The following P2RY6 variants were observed in gnomAD, a reference collection of about 807,000 sequenced individuals.
P2RY6 encodes P2Y purinoceptor 6.
In P2RY6, 19 loss-of-function variants were observed where a neutral mutation model predicts 16.3. That is an observed-to-expected ratio of 1.16 (90% CI 0.81 to 1.71). The LOEUF is 1.71. Ranked by LOEUF, P2RY6 falls within the 40% of genes most tolerant of loss-of-function variation. The probability of loss-of-function intolerance (pLI) is 0.00; values close to 1 mark genes in which losing one functional copy is unlikely to be tolerated. For missense variants in P2RY6, 389 were observed against 455.5 expected (o/e 0.85, Z 1.33); for synonymous variants, 184 against 201.5 (o/e 0.91, Z 0.74).
chr11:73,282,559 A>G (rs1863806300), intron 1 of P2RY6, among the ~76,000 whole-genome samples: 1 of 151,476 alleles, frequency 6.6e-6, no homozygotes, highest in Non-Finnish European at 1.5e-5. Flanking sequence ...TTCTTTCCAC[A>G]CTCCACCAAA....
upstream of P2RY6, among the ~76,000 whole-genome samples, chr11:73,271,071 C>T (rs1353314455): frequency 6.6e-6 from 1 of 152,208 alleles, no homozygotes; most frequent in Non-Finnish European, 1.5e-5. Context: ...GTGCGTTGAA[C>T]ATTACCCGAA....
intron 1 of P2RY6, among the ~76,000 whole-genome samples, chr11:73,277,241 G>T (rs948117061): frequency 6.6e-6 from 1 of 151,868 alleles, no homozygotes; most frequent in Non-Finnish European, 1.5e-5. Context: ...AGCCTCCCAA[G>T]TAGCTGGGAT....
chr11:73,276,325 A>C (rs1863534970), intron 1 of P2RY6, among the ~76,000 whole-genome samples: 1 of 152,248 alleles, frequency 6.6e-6, no homozygotes, highest in Admixed American at 6.5e-5. Flanking sequence ...AGCACCTCAA[A>C]AGTTTAAACA....
At chr11:73,286,305 C>T (rs1185746524) in intron 1 of P2RY6, among the ~76,000 whole-genome samples, 2 of 152,150 alleles carry the variant, frequency 1.3e-5, no homozygotes, top group Non-Finnish European at 2.9e-5. Flanking sequence ...CTGCCTTTCA[C>T]GGGAGGGGAG....
chr11:73,295,872 A>G, intron 2 of P2RY6, 57 bp downstream of exon 2: 2 of 700,670 alleles, frequency 2.9e-6, no homozygotes, highest in Non-Finnish European at 1.8e-6. Flanking sequence ...TTTCCGCCCC[A>G]GACCCTGGGC....
chr11:73,297,392 G>A lies in P2RY6; in HGVS notation c.874G>A (p.Ala292Thr). Reference protein sequence around the residue: ...AYKGTRPFASANSVLDPILFY... With the variant: ...AYKGTRPFASTNSVLDPILFY... ...CAAAGGCACGCGGCCGTTTGCCAGT[G>A]CCAACAGCGTGCTGGACCCCATCCT... The change falls in exon 3 of 3, where the codon GCC becomes ACC. Residue 292 changes from alanine to threonine, a missense_variant. Coordinates refer to ENST00000540124, the MANE Select transcript of P2RY6 (RefSeq NM_001277204.2). 1 of 1,612,292 alleles carries A rather than the reference G, an allele frequency of 6.2e-7. No homozygotes were observed. The highest frequency in any genetic ancestry group is 8.5e-7 in the Non-Finnish European group (1 of 1,180,028).
intron 1 of P2RY6, among the ~76,000 whole-genome samples, chr11:73,286,087 T>G (rs1404985901): frequency 6.6e-6 from 1 of 152,086 alleles, no homozygotes; most frequent in African/African-American, 2.4e-5. Context: ...ACAAGCCCAG[T>G]CAGGGAGGCT....
At chr11:73,288,505 T>C (rs1176554731) in intron 1 of P2RY6, among the ~76,000 whole-genome samples, 1 of 152,254 alleles carries the variant, frequency 6.6e-6, no homozygotes, top group Non-Finnish European at 1.5e-5. Flanking sequence ...TTTGTCCTTC[T>C]GTAGCCAGCC....
At chr11:73,273,466 ATG>A (rs144585529) in intron 1 of P2RY6, among the ~76,000 whole-genome samples, 1 of 150,920 alleles carries the variant, frequency 6.6e-6, no homozygotes, top group Admixed American at 6.6e-5. Context: ...CTTCCAGTGT[ATG>A]TGTGTGTGTG....
At chr11:73,277,245 CTGGGATTACAGA>C (rs1227373513) in intron 1 of P2RY6, among the ~76,000 whole-genome samples, 1 of 152,022 alleles carries the variant, frequency 6.6e-6, no homozygotes, top group Non-Finnish European at 1.5e-5. Flanking sequence ...TCCCAAGTAG[CTGGGATTACAGA>C]CATGCGCCAC....
intron 1 of P2RY6, among the ~76,000 whole-genome samples, chr11:73,291,600 AGT>A (rs968258548): frequency 3.2e-4 from 48 of 152,230 alleles, no homozygotes; most frequent in African/African-American, 8.9e-4. Context: ...GATTTTTCTC[AGT>A]GTGATCCAAA....
At chr11:73,283,663 C>T (rs1458552710) in intron 1 of P2RY6, among the ~76,000 whole-genome samples, 1 of 152,196 alleles carries the variant, frequency 6.6e-6, no homozygotes, top group East Asian at 1.9e-4. Context: ...AGACAGAGTG[C>T]CCACTGCTCT....
Position 73,297,304 on chromosome 11 carries a change from C to G in P2RY6, c.786C>G (p.Tyr262Ter). The G allele has an allele frequency of 1.2e-6, 2 of 1,609,668 alleles. No homozygotes were observed. The highest frequency in any genetic ancestry group is 2.2e-5 in the South Asian group (2 of 91,054). ...FLPFHITKTA[Y>*]LAVRSTPGVP... ...CTTTTCACATCACCAAGACAGCCTA[C>G]CTGGCAGTGCGCTCGACGCCGGGCG... The change falls in exon 3 of 3, where the codon TAC becomes TAG. Residue 262 changes from tyrosine (Y) to a stop codon, truncating the protein, a stop_gained. Transcript: ENST00000540124. LOFTEE classifies it high-confidence loss of function.
intron 1 of P2RY6, among the ~76,000 whole-genome samples, chr11:73,285,358 G>A (rs1863928650): frequency 6.6e-6 from 1 of 152,226 alleles, no homozygotes. Flanking sequence ...CCAGGCGTGA[G>A]CCACCACACC....
intron 1 of P2RY6, among the ~76,000 whole-genome samples, chr11:73,285,254 G>A (rs371884690): frequency 6.6e-6 from 1 of 152,236 alleles, no homozygotes; most frequent in South Asian, 2.1e-4. Flanking sequence ...AACATTTTTT[G>A]GTAGAGACAG....
At chr11:73,290,259 AG>A (rs1864148235) in intron 1 of P2RY6, among the ~76,000 whole-genome samples, 1 of 139,252 alleles carries the variant, frequency 7.2e-6, no homozygotes, top group African/African-American at 3.3e-5. Context: ...AGAGAGAGAG[AG>A]GGGGAAAGAA....
chr11:73,297,482 A>G lies in P2RY6; in HGVS notation c.964A>G (p.Lys322Glu), dbSNP rs1184139274. 1.2e-6 allele frequency: 2 copies of G among 1,609,234 alleles called. No homozygotes were observed. The highest frequency in any genetic ancestry group is 4.5e-5 in the East Asian group (2 of 44,754). The stretch of plus-strand genomic sequence containing the variant: ...TGAGCTCCTACAGAAACTCACAGCC[A>G]AATGGCAGAGGCAGGGTCGCTGAGT... Reference protein sequence around the residue: ...PHELLQKLTAKWQRQGR With the variant: ...PHELLQKLTAEWQRQGR Residue 322 changes from lysine (K) to glutamate (E), a missense_variant, in exon 3 of 3, where the codon AAA becomes GAA. Physicochemically the swap from Lys to Glu is moderately conservative, Grantham distance 56. Coordinates refer to ENST00000540124, the MANE Select transcript of P2RY6 (RefSeq NM_001277204.2).
chr11:73,277,269 A>G (rs1394225199), intron 1 of P2RY6, among the ~76,000 whole-genome samples: 1 of 152,040 alleles, frequency 6.6e-6, no homozygotes, highest in African/African-American at 2.4e-5. Flanking sequence ...ATGCGCCACC[A>G]CACCTGGCTA....
At chr11:73,288,062 C>T (rs1240592639) in intron 1 of P2RY6, among the ~76,000 whole-genome samples, 3 of 152,226 alleles carry the variant, frequency 2.0e-5, no homozygotes, top group African/African-American at 7.2e-5. Flanking sequence ...CAAGAAAGAA[C>T]CTCTTGCTAA....
Sources: gnomAD v4.1 joint callset for allele counts (sites outside exome capture counted in the v4.1 genomes callset) on GRCh38, gnomAD v4.1.1 for gene constraint, MANE v1.5 for transcripts, NCBI Gene and HGNC (gene_info 2026-07-23, HGNC 2026-07-21) for gene names.